The following SLC39A11 variants were observed in gnomAD, a reference collection of about 807,000 sequenced individuals.
The protein encoded by SLC39A11 is solute carrier family 39 member 11.
In SLC39A11, 33 loss-of-function variants were observed where a neutral mutation model predicts 36.1. That is an observed-to-expected ratio of 0.91 (90% CI 0.69 to 1.22). The LOEUF is 1.22. Ranked by LOEUF, SLC39A11 falls within the 50% of genes most tolerant of loss-of-function variation. The pLI is 0.00. For missense variants in SLC39A11, 432 were observed against 430.3 expected (o/e 1.00, Z -0.03); for synonymous variants, 166 against 170.3 (o/e 0.97, Z 0.20).
At chr17:73,074,380 T>C (rs12453520) in intron 3 of SLC39A11, among the ~76,000 whole-genome samples, 38,143 of 146,842 alleles carry the variant, frequency 0.26, 5,217 homozygotes, top group Middle Eastern at 0.42. Flanking sequence ...TCACTGCAAC[T>C]TCCGCCTCCT....
At position 72,735,544 on chromosome 17, in the gene SLC39A11, T is replaced by C. The variant is rs538551457; in HGVS notation, c.671+1106A>G. Among the ~76,000 whole-genome samples the C allele has an allele frequency of 3.3e-4, 51 of 152,336 alleles. No individual in the cohort carries two copies. The South Asian group carries it at 5.6e-3, about 17-fold the overall frequency. ...TCCAAGAGTGATAAACCAGTCGCCCTTGAGCCACTGCACTGAGTTATGTTT... is the reference window on the plus strand; with the variant it reads ...TCCAAGAGTGATAAACCAGTCGCCCCTGAGCCACTGCACTGAGTTATGTTT... On this transcript the variant is annotated intron_variant, in intron 7 of 9. Transcript: ENST00000255559.
At chr17:72,782,888 G>A (rs935527270) in intron 6 of SLC39A11, among the ~76,000 whole-genome samples, 1 of 150,990 alleles carries the variant, frequency 6.6e-6, no homozygotes, top group African/African-American at 2.4e-5. Flanking sequence ...TGCAATGCTA[G>A]CTACTCGGGA....
chr17:73,045,008 G>A (rs2059232822), intron 3 of SLC39A11, among the ~76,000 whole-genome samples: 1 of 151,992 alleles, frequency 6.6e-6, no homozygotes, highest in South Asian at 2.1e-4. Flanking sequence ...TATTAGATCT[G>A]GTTTTTAAGT....
At chr17:72,661,240 G>A (rs1208035601) in intron 7 of SLC39A11, among the ~76,000 whole-genome samples, 2 of 152,104 alleles carry the variant, frequency 1.3e-5, no homozygotes, top group South Asian at 2.1e-4. Context: ...TGACCATGGC[G>A]CCCCCTGGAG....
At chr17:72,663,322 T>A (rs1205539910) in intron 7 of SLC39A11, among the ~76,000 whole-genome samples, 1 of 152,208 alleles carries the variant, frequency 6.6e-6, no homozygotes, top group Non-Finnish European at 1.5e-5. Context: ...TATCTTCCCA[T>A]TACCTTTTTA....
intron 6 of SLC39A11, among the ~76,000 whole-genome samples, chr17:72,768,891 G>C (rs916260741): frequency 6.6e-6 from 1 of 152,010 alleles, no homozygotes; most frequent in Non-Finnish European, 1.5e-5. Flanking sequence ...CTCCCGAGTA[G>C]CTGGGACTAT....
intron 4 of SLC39A11, among the ~76,000 whole-genome samples, chr17:72,958,941 A>T (rs2086422491): frequency 6.6e-6 from 1 of 152,090 alleles, no homozygotes. Flanking sequence ...ATGATCAGGG[A>T]AATGCAAATC....
chr17:72,805,716 G>A (rs1473268081), intron 6 of SLC39A11, among the ~76,000 whole-genome samples: 1 of 152,012 alleles, frequency 6.6e-6, no homozygotes, highest in Non-Finnish European at 1.5e-5. Flanking sequence ...GCCAGGAGAT[G>A]TGGCTCAGAG....
intron 7 of SLC39A11, among the ~76,000 whole-genome samples, chr17:72,670,560 A>T (rs995622185): frequency 6.6e-6 from 1 of 152,082 alleles, no homozygotes; most frequent in African/African-American, 2.4e-5. Context: ...CATCTCTTCC[A>T]TTTAAGAAAA....
At chr17:72,965,835 T>C (rs2086931884) in intron 4 of SLC39A11, among the ~76,000 whole-genome samples, 2 of 152,214 alleles carry the variant, frequency 1.3e-5, no homozygotes. Flanking sequence ...GAAGTTCTGC[T>C]GTTAGATACC....
At chr17:73,025,566 T>C (rs1339684224) in intron 4 of SLC39A11, among the ~76,000 whole-genome samples, 2 of 152,086 alleles carry the variant, frequency 1.3e-5, no homozygotes, top group East Asian at 3.9e-4. Flanking sequence ...TAAAATATCA[T>C]CAATAAAAAT....
rs1413657558 is a variant in SLC39A11 at position 72,933,726 on chromosome 17, G to A, written c.430+14026C>T. ...GTAAAGATGGGGTTTCACCATGTTG[G>A]CCAGGCTGGTCTCAAACTCCTGACC... On this transcript the variant is annotated intron_variant, in intron 5 of 9. Coordinates refer to ENST00000255559, the MANE Select transcript of SLC39A11 (RefSeq NM_139177.4). Among the ~76,000 whole-genome samples the A allele has an allele frequency of 3.9e-5, 6 of 152,196 alleles. No individual in the cohort carries two copies. In the East Asian group the frequency reaches 1.2e-3, roughly 29 times the overall value.
At chr17:72,762,187 T>A (rs1226250699) in intron 6 of SLC39A11, among the ~76,000 whole-genome samples, 1 of 152,108 alleles carries the variant, frequency 6.6e-6, no homozygotes, top group Non-Finnish European at 1.5e-5. Flanking sequence ...GCATTCTAAG[T>A]CACAGGATGA....
chr17:73,010,065 G>T (rs970036497), intron 4 of SLC39A11, among the ~76,000 whole-genome samples: 1 of 152,104 alleles, frequency 6.6e-6, no homozygotes, highest in Non-Finnish European at 1.5e-5. Flanking sequence ...GACTCCTGCT[G>T]TGCTGCTACC....
intron 6 of SLC39A11, among the ~76,000 whole-genome samples, chr17:72,848,578 A>G (rs2079155250): frequency 6.6e-6 from 1 of 152,024 alleles, no homozygotes; most frequent in South Asian, 2.1e-4. Context: ...AAAATTAGCA[A>G]GGCATGGTGG....
At chr17:72,731,460 T>C (rs2074212485) in intron 7 of SLC39A11, among the ~76,000 whole-genome samples, 1 of 152,158 alleles carries the variant, frequency 6.6e-6, no homozygotes, top group Non-Finnish European at 1.5e-5. Context: ...CTTGGTGTCT[T>C]TTGTAAAACT....
chr17:72,715,235 G>T (rs1203439045), intron 7 of SLC39A11, among the ~76,000 whole-genome samples: 1 of 152,194 alleles, frequency 6.6e-6, no homozygotes, highest in Non-Finnish European at 1.5e-5. Flanking sequence ...GATGCACCAT[G>T]ACTAAGTTCT....
At chr17:73,088,846 C>T in intron 1 of SLC39A11, 71 bp from the exon 2 acceptor site, 1 of 1,120,730 alleles carries the variant, frequency 8.9e-7, no homozygotes, top group Non-Finnish European at 1.3e-6. Context: ...TCTGACGGGT[C>T]CTAACACCCT....
At chr17:72,724,848 A>G (rs1226360282) in intron 7 of SLC39A11, among the ~76,000 whole-genome samples, 3 of 152,124 alleles carry the variant, frequency 2.0e-5, no homozygotes, top group Admixed American at 6.5e-5. Context: ...TTTCAAAGTC[A>G]TGTCCAGCCC....
Sources: allele counts gnomAD v4.1 joint callset (sites outside exome capture counted in the v4.1 genomes callset), GRCh38; gene constraint gnomAD v4.1.1; transcripts MANE v1.5; gene names NCBI Gene and HGNC (gene_info 2026-07-23, HGNC 2026-07-21).